Variants in DACH2 observed in about 807,000 individuals in gnomAD.
DACH2 encodes dachshund homolog 2.
Under a neutral mutation model 35.8 loss-of-function variants are expected in DACH2, and 17 were observed. That is an observed-to-expected ratio of 0.48 (90% confidence interval 0.33 to 0.71). DACH2 has a LOEUF of 0.71. Among genes scored for constraint, DACH2 ranks in the 30% least tolerant of loss-of-function variants. The pLI, the probability that DACH2 is intolerant of heterozygous loss-of-function variation, is 0.02. For missense variants in DACH2, 469 were observed against 472.7 expected (o/e 0.99, Z 0.07); for synonymous variants, 195 against 177.3 (o/e 1.10, Z -0.79).
At chrX:86,805,401 C>T (rs899309017) in intron 7 of DACH2, among the ~76,000 whole-genome samples, 3 of 112,603 alleles carry the variant, frequency 2.7e-5, no homozygotes, top group Admixed American at 9.3e-5. Context: ...TCATGTTTTC[C>T]CTCCTAGGCC....
At chrX:86,203,750 C>G (rs1477990866) in intron 1 of DACH2, among the ~76,000 whole-genome samples, 1 of 111,717 alleles carries the variant, frequency 9.0e-6, no homozygotes, top group East Asian at 2.8e-4. Flanking sequence ...GATTTTCTAA[C>G]AGGCTCCTCA....
intron 4 of DACH2, among the ~76,000 whole-genome samples, chrX:86,670,929 G>A (rs747113581): frequency 3.9e-4 from 44 of 111,596 alleles, no homozygotes; most frequent in Admixed American, 3.1e-3. Flanking sequence ...CTGAGGAGTC[G>A]GTGCTACATA....
chrX:86,583,799 G>A (rs2148343049), intron 3 of DACH2, among the ~76,000 whole-genome samples: 1 of 110,041 alleles, frequency 9.1e-6, no homozygotes, highest in East Asian at 2.9e-4. Context: ...GTGTGTGTAT[G>A]TATATATTTG....
intron 7 of DACH2, among the ~76,000 whole-genome samples, chrX:86,767,110 C>T (rs1236058372): frequency 2.7e-5 from 3 of 111,884 alleles, no homozygotes; most frequent in African/African-American, 6.5e-5. Flanking sequence ...CAATGATTCA[C>T]GGCAGTGAAC....
intron 7 of DACH2, among the ~76,000 whole-genome samples, chrX:86,751,839 G>A (rs950335179): frequency 9.0e-6 from 1 of 111,593 alleles, no homozygotes; most frequent in Non-Finnish European, 1.9e-5. Flanking sequence ...AATCAACCTA[G>A]CTGCCCATCA....
intron 1 of DACH2, among the ~76,000 whole-genome samples, chrX:86,364,795 C>A (rs961219693): frequency 1.8e-5 from 2 of 110,477 alleles, no homozygotes; most frequent in Admixed American, 9.6e-5. Flanking sequence ...TCTTTAAAAC[C>A]CTTTGGCATG....
intron 11 of DACH2, among the ~76,000 whole-genome samples, chrX:86,820,350 C>T (rs1487134985): frequency 1.8e-5 from 2 of 111,747 alleles, no homozygotes; most frequent in African/African-American, 6.5e-5. Flanking sequence ...AATGTGGTGG[C>T]ATCCTAAATA....
At chrX:86,539,852 C>A (rs1162590086) in intron 3 of DACH2, among the ~76,000 whole-genome samples, 1 of 110,991 alleles carries the variant, frequency 9.0e-6, no homozygotes, top group Non-Finnish European at 1.9e-5. Context: ...CAATAATGGT[C>A]CACTATTACT....
At chrX:86,466,052 C>A (rs777547858) in intron 2 of DACH2, among the ~76,000 whole-genome samples, 1 of 111,319 alleles carries the variant, frequency 9.0e-6, no homozygotes, top group African/African-American at 3.3e-5. Flanking sequence ...AAAGACATAC[C>A]TGAGACTGGG....
At chrX:86,628,973 C>A (rs2148385820) in intron 3 of DACH2, among the ~76,000 whole-genome samples, 1 of 112,209 alleles carries the variant, frequency 8.9e-6, no homozygotes, top group Non-Finnish European at 1.9e-5. Context: ...GAAGTTAGCA[C>A]TACAATTTAA....
chrX:86,565,631 C>A (rs2039284116), intron 3 of DACH2, among the ~76,000 whole-genome samples: 1 of 111,225 alleles, frequency 9.0e-6, no homozygotes, highest in Non-Finnish European at 1.9e-5. Context: ...AGAAGGTACT[C>A]AGAAATATTT....
At chrX:86,206,794 T>A (rs2032324077) in intron 1 of DACH2, among the ~76,000 whole-genome samples, 1 of 111,954 alleles carries the variant, frequency 8.9e-6, no homozygotes, top group African/African-American at 3.2e-5. Context: ...TACCCCACCA[T>A]AGTTTTCAAA....
At chrX:86,487,375 G>A (rs1356153372) in intron 2 of DACH2, among the ~76,000 whole-genome samples, 1 of 111,767 alleles carries the variant, frequency 8.9e-6, no homozygotes, top group Non-Finnish European at 1.9e-5. Flanking sequence ...TGTGTATAAG[G>A]TGCTATTCCA....
At chrX:86,566,759 A>T (rs1281216541) in intron 3 of DACH2, among the ~76,000 whole-genome samples, 1 of 111,183 alleles carries the variant, frequency 9.0e-6, no homozygotes, top group East Asian at 2.8e-4. Context: ...ACCTAATAAC[A>T]TCTTTGTGTT....
At chrX:86,604,861 A>G (rs1237004190) in intron 3 of DACH2, among the ~76,000 whole-genome samples, 3 of 111,689 alleles carry the variant, frequency 2.7e-5, no homozygotes, top group African/African-American at 9.7e-5. Context: ...AGATATGGAT[A>G]TGTTGTTATT....
chrX:86,560,593 C>T (rs1338672395), intron 3 of DACH2, among the ~76,000 whole-genome samples: 4 of 96,680 alleles, frequency 4.1e-5, no homozygotes, highest in Non-Finnish European at 8.2e-5. Flanking sequence ...GAAATAATGC[C>T]GCATATCTAC....
chrX:86,719,932 C>CTTTTTTTTTTTTTTTTTT (rs57079697), intron 6 of DACH2, among the ~76,000 whole-genome samples: 2 of 75,578 alleles, frequency 2.6e-5, no homozygotes, highest in Non-Finnish European at 2.4e-5. Context: ...TTTCTTTTTT[C>CTTTTTTTTTTTTTTTTTT]TTTTTTTTTT....
intron 2 of DACH2, among the ~76,000 whole-genome samples, chrX:86,380,815 GT>G (rs202036348): frequency 0.046 from 4,969 of 109,116 alleles, 143 homozygotes; most frequent in East Asian, 0.21. Context: ...TGATTTTTGT[GT>G]TTTTTTAATT....
chrX:86,298,123 G>T (rs771176649), intron 1 of DACH2, among the ~76,000 whole-genome samples: 2 of 111,784 alleles, frequency 1.8e-5, no homozygotes, highest in African/African-American at 3.2e-5. Flanking sequence ...CGCATTGTTT[G>T]TATTGGTTTT....
Sources: allele counts gnomAD v4.1 joint callset (sites outside exome capture counted in the v4.1 genomes callset), GRCh38; gene constraint gnomAD v4.1.1; transcripts MANE v1.5; gene names NCBI Gene and HGNC (gene_info 2026-07-23, HGNC 2026-07-21).